Variants in SYNGR1 observed in about 807,000 individuals in gnomAD.
SYNGR1 encodes the protein synaptogyrin-1.
A neutral mutation model predicts 26.1 loss-of-function variants in SYNGR1; 14 were observed. That is an observed-to-expected ratio of 0.54 (90% confidence interval 0.35 to 0.84). SYNGR1 has a LOEUF of 0.84. SYNGR1 is among the 40% of genes least tolerant of loss of function. The pLI, the probability that SYNGR1 is intolerant of heterozygous loss-of-function variation, is 0.01. For missense variants in SYNGR1, 319 were observed against 332.9 expected (o/e 0.96, Z 0.33); for synonymous variants, 141 against 150.1 (o/e 0.94, Z 0.44).
chr22:39,350,172 C>T lies in SYNGR1; in HGVS notation c.99+63C>T. The T allele has an allele frequency of 6.7e-6, 8 of 1,188,596 alleles. No homozygotes were observed. Among genetic ancestry groups the T allele is most frequent in the East Asian group, 4.2e-5 (1 of 23,580 alleles). 73.6% of individuals were successfully genotyped at this position (1,188,596 alleles called of 1,614,324 possible). ...GTGGTGGGGGTGTGAGCAAAGGCGG[C>T]GCGCCCGGACCGACCCCGACCCCGA... On this transcript the variant is annotated intron_variant, in intron 1 of 3. Transcript: ENST00000328933. This position sits in a 1 kb window ranked among gnomAD's most constrained non-coding sequence, Gnocchi z 4.3.
chr22:39,356,842 T>C (rs757872767), intron 1 of SYNGR1, among the ~76,000 whole-genome samples: 3 of 152,142 alleles, frequency 2.0e-5, no homozygotes, highest in Non-Finnish European at 4.4e-5. Flanking sequence ...TCCCCATCTA[T>C]CAAATGGGAA....
chr22:39,350,938 C>T lies in SYNGR1; in HGVS notation c.99+829C>T, dbSNP rs1433132196. On this transcript the variant is annotated intron_variant, in intron 1 of 3. Transcript: ENST00000328933. The surrounding 1 kb of genome is among the most constrained non-coding windows in gnomAD (Gnocchi z 4.3). ...ACAGTGAAGAGGCCAGGGTGGCCTC[C>T]AGCCTAGCTGGGGGGCAGGGTCCTC... 2.6e-5 allele frequency among the ~76,000 whole-genome samples: 4 copies of T among 152,148 alleles called. No individual in the cohort carries two copies. The highest frequency in any genetic ancestry group is 9.7e-5 in the African/African-American group (4 of 41,446).
rs759949316 is a variant in SYNGR1, at chr22:39,364,253, C to T, written c.100-10063C>T. On this transcript the variant is annotated intron_variant, in intron 1 of 3. Coordinates refer to ENST00000328933, the MANE Select transcript of SYNGR1 (RefSeq NM_004711.5). ...GATCCTTCATGGATAGGCAGCTGGA[C>T]ACAGAGGTCGTGGGTGAGCTGGAGG... is the stretch of plus-strand genomic sequence containing the variant. The T allele has an allele frequency of 2.2e-5, 36 of 1,613,952 alleles. 1 individual carries two copies. The South Asian group carries it at 3.7e-4, about 17-fold the overall frequency.
intron 3 of SYNGR1, chr22:39,377,436 G>A: frequency 1.0e-6 from 1 of 985,398 alleles, no homozygotes; most frequent in Non-Finnish European, 1.2e-6. Flanking sequence ...CCTACAGGGA[G>A]GAGTTTAGGG....
chr22:39,358,399 C>T (rs960837163), intron 1 of SYNGR1, among the ~76,000 whole-genome samples: 5 of 152,230 alleles, frequency 3.3e-5, no homozygotes, highest in Admixed American at 6.5e-5. Context: ...TGGCAACCTG[C>T]TCAGTTCCAA....
intron 1 of SYNGR1, among the ~76,000 whole-genome samples, chr22:39,352,631 C>A (rs375223572): frequency 6.6e-6 from 1 of 152,244 alleles, no homozygotes; most frequent in African/African-American, 2.4e-5. Flanking sequence ...ATGCAGCTGG[C>A]GCCTGCTCTT....
chr22:39,364,119 C>G lies in SYNGR1; in HGVS notation c.100-10197C>G. ...CTGCAGAGGGGAGATACCATCTCCCCTCAAGTAAAGTGGGCCTGTGCCCTT... is the reference window on the plus strand; with the variant it reads ...CTGCAGAGGGGAGATACCATCTCCCGTCAAGTAAAGTGGGCCTGTGCCCTT... On this transcript the variant is annotated intron_variant, in intron 1 of 3. Transcript: ENST00000328933. 3 of 1,608,172 alleles carry G rather than the reference C, an allele frequency of 1.9e-6. No individual in the cohort carries two copies. The East Asian group carries it at 6.7e-5, about 36-fold the overall frequency.
chr22:39,373,138 TACAC>T (rs10548475), intron 1 of SYNGR1, among the ~76,000 whole-genome samples: 9,895 of 146,264 alleles, frequency 0.068, 932 homozygotes, highest in African/African-American at 0.21. Context: ...TTCTATTTAA[TACAC>T]ACACACACAC....
At position 39,381,747 on chromosome 22, in the gene SYNGR1, GCCCTCTTCTC is replaced by G; in HGVS notation, c.538_547del (p.Leu180ArgfsTer55). On this transcript the variant is annotated frameshift_variant, in exon 4 of 4. Coordinates refer to ENST00000328933, the MANE Select transcript of SYNGR1 (RefSeq NM_004711.5). LOFTEE classifies it high-confidence loss of function. ...GCGGTACCAGATTGGCGCCGACTCG[GCCCTCTTCTC>G]CCAGGACTACATGGACCCCAGCCAG... The G allele has an allele frequency of 6.2e-7, 1 of 1,613,418 alleles. No individual in the cohort carries two copies. Among genetic ancestry groups the G allele is most frequent in the Non-Finnish European group, 8.5e-7 (1 of 1,179,998 alleles).
chr22:39,360,210 A>T (rs1020482999), intron 1 of SYNGR1, among the ~76,000 whole-genome samples: 1 of 152,102 alleles, frequency 6.6e-6, no homozygotes, highest in Non-Finnish European at 1.5e-5. Context: ...TCAAGGACAC[A>T]CGTCCATCAG....
intron 1 of SYNGR1, among the ~76,000 whole-genome samples, chr22:39,370,396 C>T (rs1266185433): frequency 6.6e-6 from 1 of 152,112 alleles, no homozygotes; most frequent in Non-Finnish European, 1.5e-5. Context: ...TCCCAAAGTA[C>T]TGGGATTACA....
chr22:39,378,156 G>A (rs1330750597), intron 3 of SYNGR1: 1 of 1,123,808 alleles, frequency 8.9e-7, no homozygotes, highest in African/African-American at 1.6e-5. Flanking sequence ...CTGTCCTTAG[G>A]GTTAGCATCC....
In SYNGR1 at chr22:39,381,932, C is replaced by T. The variant is rs1257175170; in HGVS notation, c.*18C>T. 6.3e-7 allele frequency: 1 copy of T among 1,583,902 alleles called. No individual in the cohort carries two copies. ...GCTACTGAGCCACAGTGACCGCCTGCCCCCGCCCCTCCCCATCTGTCCCCT... is the reference window on the plus strand; with the variant it reads ...GCTACTGAGCCACAGTGACCGCCTGTCCCCGCCCCTCCCCATCTGTCCCCT... On this transcript the variant is annotated 3_prime_UTR_variant, in exon 4 of 4. Coordinates refer to ENST00000328933, the MANE Select transcript of SYNGR1 (RefSeq NM_004711.5).
intron 1 of SYNGR1, among the ~76,000 whole-genome samples, chr22:39,359,554 C>T (rs965162819): frequency 2.0e-5 from 3 of 148,462 alleles, no homozygotes; most frequent in African/African-American, 7.4e-5. Context: ...TGGCGTGAAC[C>T]TGGGAGGCGG....
intron 2 of SYNGR1, 21 bp downstream of exon 2, chr22:39,374,574 A>G (rs1601664344): frequency 1.2e-6 from 2 of 1,610,968 alleles, no homozygotes; most frequent in Non-Finnish European, 8.5e-7. Flanking sequence ...CCCAGCAGGT[A>G]CCCCCTGCAC....
At chr22:39,351,427 ACCCTTGTGTC>A (rs1485849072) in intron 1 of SYNGR1, among the ~76,000 whole-genome samples, 5 of 152,262 alleles carry the variant, frequency 3.3e-5, no homozygotes, top group African/African-American at 1.2e-4. Flanking sequence ...AGTTCCTTTA[ACCCTTGTGTC>A]GGTGCCTGCA....
chr22:39,374,332 T>C lies in SYNGR1; in HGVS notation c.116T>C (p.Val39Ala). Residue 39 changes from valine (V) to alanine (A), a missense_variant, in exon 2 of 4, where the codon GTG becomes GCG. By Grantham distance (64) the Val-to-Ala change is moderately conservative. Transcript: ENST00000328933. ...CCCCGACAGCTGTTCTCCATAGTGGTGTTCGGCTCCATCGTGAACGAGGGC... is the reference window on the plus strand; with the variant it reads ...CCCCGACAGCTGTTCTCCATAGTGGCGTTCGGCTCCATCGTGAACGAGGGC... ...RVVSWLFSIV[V>A]FGSIVNEGYL... is the part of the protein sequence containing the mutation. The C allele has an allele frequency of 6.2e-7, 1 of 1,613,880 alleles. No individual in the cohort carries two copies. The highest frequency in any genetic ancestry group is 8.5e-7 in the Non-Finnish European group (1 of 1,179,998).
At chr22:39,364,366 A>G in intron 1 of SYNGR1, 1 of 1,611,246 alleles carries the variant, frequency 6.2e-7, no homozygotes, top group Non-Finnish European at 8.5e-7. Flanking sequence ...CCTGACTGTG[A>G]AATGCTCTAA....
chr22:39,357,737 G>T (rs1446043991), intron 1 of SYNGR1, among the ~76,000 whole-genome samples: 4 of 151,748 alleles, frequency 2.6e-5, no homozygotes, highest in Admixed American at 6.6e-5. Flanking sequence ...GGGACTTAGC[G>T]CCCGGGCCAG....
Sources: allele counts gnomAD v4.1 joint callset (sites outside exome capture counted in the v4.1 genomes callset), GRCh38; gene constraint gnomAD v4.1.1; non-coding constraint Gnocchi (gnomAD v3.1); transcripts MANE v1.5; gene names NCBI Gene and HGNC (gene_info 2026-07-23, HGNC 2026-07-21).